POLR2F: variants seen among roughly 807,000 people sequenced by gnomAD.
POLR2F encodes RNA polymerase II, I and III subunit F.
A neutral mutation model predicts 22.7 loss-of-function variants in POLR2F; 12 were observed. The observed-to-expected ratio is 0.53, with a 90% confidence interval of 0.34 to 0.86. POLR2F has a LOEUF of 0.86. Ranked by LOEUF, POLR2F falls within the 40% of genes least tolerant of loss-of-function variation. POLR2F has a pLI of 0.02. For synonymous variants in POLR2F, 57 were observed against 66.0 expected (o/e 0.86, Z 0.66); for missense variants, 126 against 171.5 (o/e 0.73, Z 1.48).
At chr22:38,039,190 C>T (rs1280983555) in intron 5 of POLR2F, among the ~76,000 whole-genome samples, 2 of 152,240 alleles carry the variant, frequency 1.3e-5, no homozygotes, top group Admixed American at 6.5e-5. Context: ...TGCACCCGCT[C>T]CCACCCGTGG....
chr22:38,030,460 G>A (rs1322428775), downstream of POLR2F, among the ~76,000 whole-genome samples: 4 of 146,710 alleles, frequency 2.7e-5, no homozygotes, highest in Non-Finnish European at 1.5e-5. Flanking sequence ...GTTGGCTCTC[G>A]GGAGCCAGTG....
upstream of POLR2F, chr22:37,984,612 A>G (rs1932517124): frequency 6.7e-6 from 1 of 148,320 alleles, no homozygotes; most frequent in African/African-American, 2.5e-5. This position sits in a 1 kb window ranked among gnomAD's most constrained non-coding sequence, Gnocchi z 4.4. Context: ...GGGGGAGGGG[A>G]GAGGAGGGAG....
At chr22:37,969,835 T>G (rs552595060), downstream of POLR2F, among the ~76,000 whole-genome samples, 267 of 151,648 alleles carry the variant, frequency 1.8e-3, no homozygotes, top group African/African-American at 6.2e-3. Context: ...GCCAAATAAG[T>G]TTTTTTTTCG....
At chr22:38,027,854 G>A (rs1228825122), downstream of POLR2F, among the ~76,000 whole-genome samples, 1 of 152,116 alleles carries the variant, frequency 6.6e-6, no homozygotes, top group Non-Finnish European at 1.5e-5. Context: ...AGCTGCCAAT[G>A]TTTATTGAGC....
chr22:38,010,460 G>A (rs1395835689), intron 1 of POLR2F, among the ~76,000 whole-genome samples: 2 of 151,936 alleles, frequency 1.3e-5, no homozygotes, highest in East Asian at 1.9e-4. Flanking sequence ...CAAATTAGCT[G>A]TACCATTTCA....
At chr22:38,030,091 A>G (rs1243773340), downstream of POLR2F, among the ~76,000 whole-genome samples, 1 of 152,212 alleles carries the variant, frequency 6.6e-6, no homozygotes, top group African/African-American at 2.4e-5. Context: ...GGGAACAGTT[A>G]AGATGCAGCT....
intron 5 of POLR2F, among the ~76,000 whole-genome samples, chr22:38,038,275 G>A (rs772406473): frequency 1.3e-5 from 2 of 152,192 alleles, no homozygotes; most frequent in Non-Finnish European, 2.9e-5. Context: ...CCAGCTTTGG[G>A]ACCTGAAGCC....
chr22:37,996,574 A>G (rs1298372592), intron 1 of POLR2F, among the ~76,000 whole-genome samples: 1 of 152,206 alleles, frequency 6.6e-6, no homozygotes, highest in East Asian at 1.9e-4. Flanking sequence ...GGGAGAGGGC[A>G]CTGCCCACTT....
intron 1 of POLR2F, among the ~76,000 whole-genome samples, chr22:38,011,572 A>T (rs1001818181): frequency 1.3e-5 from 2 of 151,506 alleles, no homozygotes; most frequent in African/African-American, 4.9e-5. Context: ...AAATCAATTG[A>T]CCACATGTGT....
In POLR2F at chr22:37,969,308, C is replaced by G; in HGVS notation, c.*1593C>G. On this transcript the variant is annotated 3_prime_UTR_variant, in exon 5 of 5. Transcript: ENST00000442738. ...CTTCTCTTGAATAAAATGTCCCGGT[C>G]ACCACTATTGGTTCTGTTTTCTTAG... 1 of 985,414 alleles carries G rather than the reference C, an allele frequency of 1.0e-6. No individual in the cohort carries two copies. The highest frequency in any genetic ancestry group is 1.2e-6 in the Non-Finnish European group (1 of 829,908). The allele number at this position is 985,414 out of a possible 1,614,324, so 61.0% of individuals were successfully genotyped here. A position where few individuals can be genotyped will look rare whatever the true frequency, so the allele number is the denominator to read the frequency against.
At chr22:37,971,484 T>G (rs1932050232), downstream of POLR2F, among the ~76,000 whole-genome samples, 18 of 152,284 alleles carry the variant, frequency 1.2e-4, no homozygotes, top group South Asian at 3.5e-3. Context: ...TGGAGTTGTG[T>G]GCTTGTGAGG....
rs1467578752 is a variant in POLR2F at position 37,956,818 on chromosome 22, A to G, written c.66A>G (p.Leu22=). The change falls in exon 2 of 5, where the codon CTA becomes CTG. Residue 22 remains leucine, a synonymous_variant. Coordinates refer to ENST00000442738, the MANE Select transcript of POLR2F (RefSeq NM_021974.5). Reference sequence around the variant, plus strand: ...ATGATGTGGAGGAGGATGAAGGGCTAGATGACTTGGAGAATGCCGAAGAGG... The same window carrying G: ...ATGATGTGGAGGAGGATGAAGGGCTGGATGACTTGGAGAATGCCGAAGAGG... ...DFDDVEEDEG[L]DDLENAEEEG... The G allele has an allele frequency of 1.2e-6, 2 of 1,614,062 alleles. No homozygotes were observed. Among genetic ancestry groups the G allele is most frequent in the Admixed American group, 1.7e-5 (1 of 60,018 alleles).
intron 4 of POLR2F, among the ~76,000 whole-genome samples, chr22:37,976,201 C>T (rs1011127640): frequency 2.0e-5 from 3 of 152,140 alleles, no homozygotes; most frequent in Non-Finnish European, 2.9e-5. Context: ...GCAGCCTGGG[C>T]AACAGAGCAA....
chr22:37,970,999 C>T, downstream of POLR2F: 1 of 282,370 alleles, frequency 3.5e-6, no homozygotes, highest in South Asian at 3.1e-5. Flanking sequence ...TTCCATGATG[C>T]AGGTCCTAGA....
chr22:37,990,475 G>A (rs1179833877), intron 1 of POLR2F, among the ~76,000 whole-genome samples: 1 of 152,272 alleles, frequency 6.6e-6, no homozygotes, highest in Non-Finnish European at 1.5e-5. Flanking sequence ...CTGCTGGAAT[G>A]CCCTTCCTGG....
chr22:38,009,626 G>T (rs1286069406), intron 1 of POLR2F, among the ~76,000 whole-genome samples: 1 of 152,154 alleles, frequency 6.6e-6, no homozygotes, highest in Non-Finnish European at 1.5e-5. Flanking sequence ...AAGTAAACAA[G>T]TACATCTACC....
chr22:38,035,973 GCTTTT>G (rs2085111915), intron 5 of POLR2F, among the ~76,000 whole-genome samples: 1 of 127,776 alleles, frequency 7.8e-6, no homozygotes, highest in South Asian at 2.7e-4. Context: ...CTGAGCCCCT[GCTTTT>G]CTTTTTTTTT....
chr22:37,953,987 A>C, intron 1 of POLR2F, 180 bp downstream of exon 1: 1 of 676,806 alleles, frequency 1.5e-6, no homozygotes, highest in Non-Finnish European at 2.5e-6. Flanking sequence ...CCCCGGCTGG[A>C]GGCACAGGAG....
intron 3 of POLR2F, among the ~76,000 whole-genome samples, chr22:37,964,419 GAGA>G (rs1208147550): frequency 6.6e-6 from 1 of 152,122 alleles, no homozygotes; most frequent in Non-Finnish European, 1.5e-5. Flanking sequence ...CATAAGGCTG[GAGA>G]AGATGACACT....
Sources: allele counts gnomAD v4.1 joint callset (sites outside exome capture counted in the v4.1 genomes callset), GRCh38; gene constraint gnomAD v4.1.1; non-coding constraint Gnocchi (gnomAD v3.1); transcripts MANE v1.5; gene names NCBI Gene and HGNC (gene_info 2026-07-23, HGNC 2026-07-21).